Variants in RNPC3 observed in about 807,000 individuals in gnomAD.
RNPC3 encodes the protein RNA-binding region-containing protein 3.
A neutral mutation model predicts 67.5 loss-of-function variants in RNPC3; 48 were observed. That is an observed-to-expected ratio of 0.71 (90% CI 0.56 to 0.90). The LOEUF is 0.90. RNPC3 is among the 40% of genes least tolerant of loss of function. The pLI, the probability that RNPC3 is intolerant of heterozygous loss-of-function variation, is 0.00. For synonymous variants in RNPC3, 239 were observed against 210.3 expected, an observed-to-expected ratio of 1.14 and a Z score of -1.18; for missense variants, 637 against 626.1, an observed-to-expected ratio of 1.02 and a Z score of -0.19.
In RNPC3 at chr1:103,525,826, A is replaced by T; in HGVS notation, c.-245A>T. ...CATCTCTGGGCCAATTTTTGCTTGTAAGTCTTTCCGGAGACCCCTGGAATT... is the reference window on the plus strand; with the variant it reads ...CATCTCTGGGCCAATTTTTGCTTGTTAGTCTTTCCGGAGACCCCTGGAATT... On this transcript the variant is annotated 5_prime_UTR_variant, in exon 1 of 15. Transcript: ENST00000423855. 1 of 438,356 alleles carries T rather than the reference A, an allele frequency of 2.3e-6. No individual in the cohort carries two copies. Among genetic ancestry groups the T allele is most frequent in the Non-Finnish European group, 4.1e-6 (1 of 244,662 alleles). The allele number at this position is 438,356 out of a possible 1,614,324, so 27.2% of individuals were successfully genotyped here.
At chr1:103,534,880 C>A (rs375935616) in intron 4 of RNPC3, 23 bp downstream of exon 4, 3 of 1,431,578 alleles carry the variant, frequency 2.1e-6, no homozygotes, top group Admixed American at 2.1e-5. Flanking sequence ...GTTTGCTTTT[C>A]TTTTGCTTTT....
At chr1:103,534,959 A>G (rs1054165757) in intron 4 of RNPC3, 102 bp downstream of exon 4, 10 of 618,882 alleles carry the variant, frequency 1.6e-5, no homozygotes, top group African/African-American at 1.5e-4. Context: ...TAATATACAG[A>G]TATCTTATTG....
intron 2 of RNPC3, among the ~76,000 whole-genome samples, chr1:103,528,412 T>C (rs1319699425): frequency 1.3e-5 from 2 of 152,156 alleles, no homozygotes; most frequent in Non-Finnish European, 2.9e-5. Context: ...AAGGCTGTTA[T>C]AATGGCCAAG....
In RNPC3 at chr1:103,551,768, AAG is replaced by A. The variant is rs1651393542; in HGVS notation, c.1544_1545del (p.Arg515LysfsTer50). 1 of 1,514,376 alleles carries A rather than the reference AAG, an allele frequency of 6.6e-7. No homozygotes were observed. Among genetic ancestry groups the A allele is most frequent in the Non-Finnish European group, 8.9e-7 (1 of 1,121,996 alleles). 93.8% of individuals were successfully genotyped at this position (1,514,376 alleles called of 1,614,324 possible). On this transcript the variant is annotated frameshift_variant, in exon 14 of 15. Transcript: ENST00000423855. LOFTEE classifies it high-confidence loss of function. Reference protein sequence around the residue: ...RPKQDPKEGKRKC With the variant: ...RPKQDPKEGKXKC ...CAAAACAAGATCCTAAGGAAGGAAA[AAG>A]AAAGTGTTAAAAATTAATAAAGGTA...
chr1:103,537,323 G>A lies in RNPC3; in HGVS notation c.625-19G>A. The A allele has an allele frequency of 6.6e-7, 1 of 1,505,076 alleles. No individual in the cohort carries two copies. The highest frequency in any genetic ancestry group is 8.9e-7 in the Non-Finnish European group (1 of 1,129,642). The allele number at this position is 1,505,076 out of a possible 1,614,324, so 93.2% of individuals were successfully genotyped here. A position where few individuals can be genotyped will look rare whatever the true frequency, so the allele number is the denominator to read the frequency against. The stretch of plus-strand genomic sequence containing the variant: ...TATTTTGGACTGCCATAGTATTTTT[G>A]TTTTATTCTTTTAATTAGTATGAAG... On this transcript the variant is annotated intron_variant, in intron 6 of 14. Coordinates refer to ENST00000423855, the MANE Select transcript of RNPC3 (RefSeq NM_017619.4).
intron 2 of RNPC3, among the ~76,000 whole-genome samples, chr1:103,531,060 A>G (rs1650845868): frequency 1.3e-5 from 2 of 152,090 alleles, no homozygotes; most frequent in Non-Finnish European, 1.5e-5. Context: ...GGGTCCTCAT[A>G]GCTTAGCTCC....
chr1:103,539,846 C>A (rs923400919), intron 7 of RNPC3, among the ~76,000 whole-genome samples: 1 of 151,984 alleles, frequency 6.6e-6, no homozygotes, highest in African/African-American at 2.4e-5. Flanking sequence ...CTTAGTGACA[C>A]CTTTGCTTGT....
intron 2 of RNPC3, 105 bp downstream of exon 2, chr1:103,527,847 T>G: frequency 1.4e-6 from 1 of 735,126 alleles, no homozygotes; most frequent in South Asian, 1.8e-5. Flanking sequence ...AGCGTTTGTA[T>G]TCCAACAGTT....
Position 103,555,084 on chromosome 1 carries a change from A to G in RNPC3, c.*63A>G, listed in dbSNP as rs891061513. ...AGTGCTTTCTAACTTTGAGAGGAAG[A>G]AATTGACCACCTGGACTATGGAACT... is the stretch of plus-strand genomic sequence containing the variant. On this transcript the variant is annotated 3_prime_UTR_variant, in exon 15 of 15. Transcript: ENST00000423855. The G allele has an allele frequency of 1.3e-5, 2 of 152,042 alleles. No homozygotes were observed. The highest frequency in any genetic ancestry group is 4.8e-5 in the African/African-American group (2 of 41,406). The allele number at this position is 152,042 out of a possible 1,614,324, so 9.4% of individuals were successfully genotyped here. A position where few individuals can be genotyped will look rare whatever the true frequency, so the allele number is the denominator to read the frequency against.
chr1:103,533,368 T>C (rs568645041), intron 2 of RNPC3, among the ~76,000 whole-genome samples: 3 of 152,032 alleles, frequency 2.0e-5, no homozygotes, highest in African/African-American at 7.2e-5. Flanking sequence ...GTGGAAAAAA[T>C]AGACTAAGAT....
chr1:103,539,956 G>A (rs747341545), intron 7 of RNPC3, among the ~76,000 whole-genome samples: 20 of 152,158 alleles, frequency 1.3e-4, no homozygotes, highest in African/African-American at 4.8e-4. Flanking sequence ...TCAACCTCCC[G>A]GGCTCAAGCA....
At chr1:103,540,183 G>A (rs1469119950) in intron 7 of RNPC3, among the ~76,000 whole-genome samples, 2 of 152,088 alleles carry the variant, frequency 1.3e-5, no homozygotes, top group Admixed American at 1.3e-4. Flanking sequence ...TTTGCTTTCT[G>A]ATGTTTCCAT....
intron 3 of RNPC3, among the ~76,000 whole-genome samples, chr1:103,534,122 T>C (rs1650929029): frequency 6.6e-6 from 1 of 152,032 alleles, no homozygotes; most frequent in African/African-American, 2.4e-5. Flanking sequence ...CAACTTTCAA[T>C]GGAGGGAAAA....
chr1:103,544,271 G>A (rs920441128), intron 9 of RNPC3, among the ~76,000 whole-genome samples: 1 of 151,600 alleles, frequency 6.6e-6, no homozygotes, highest in Admixed American at 6.6e-5. Context: ...ATGTTTTGAC[G>A]GTATTTATCA....
Position 103,529,840 on chromosome 1 carries a change from C to G in RNPC3, c.240+2098C>G, listed in dbSNP as rs537148977. On this transcript the variant is annotated intron_variant, in intron 2 of 14. Coordinates refer to ENST00000423855, the MANE Select transcript of RNPC3 (RefSeq NM_017619.4). Reference sequence around the variant, plus strand: ...AACCACCACCTGTTAGAACCTGGGCCGCACAGCAGGAGGTGACTGGCAGGC... The same window carrying G: ...AACCACCACCTGTTAGAACCTGGGCGGCACAGCAGGAGGTGACTGGCAGGC... 1.2e-4 allele frequency among the ~76,000 whole-genome samples: 18 copies of G among 152,300 alleles called. No homozygotes were observed. The East Asian group carries it at 3.1e-3, about 26-fold the overall frequency.
At chr1:103,551,879 G>T in intron 14 of RNPC3, 87 bp downstream of exon 14, 1 of 670,784 alleles carries the variant, frequency 1.5e-6, no homozygotes, top group East Asian at 3.3e-5. Flanking sequence ...AGTAATTCAG[G>T]TATCTCTTTT....
intron 2 of RNPC3, among the ~76,000 whole-genome samples, chr1:103,532,175 T>C (rs963918284): frequency 1.3e-5 from 2 of 152,330 alleles, no homozygotes; most frequent in South Asian, 2.1e-4. Flanking sequence ...TCTATTCTGT[T>C]CCATTGGTCT....
chr1:103,525,882 G>GA lies in RNPC3; in HGVS notation c.-188dup. On this transcript the variant is annotated 5_prime_UTR_variant, in exon 1 of 15. Transcript: ENST00000423855. The stretch of plus-strand genomic sequence containing the variant: ...CATTAGCACCGCGCCCTTCCCCGAA[G>GA]AGTCTTCGAAGGGTTGCCGCTTTTC... The GA allele has an allele frequency of 1.8e-6, 1 of 568,442 alleles. No homozygotes were observed. Among genetic ancestry groups the GA allele is most frequent in the Non-Finnish European group, 3.1e-6 (1 of 321,020 alleles). 35.2% of individuals were successfully genotyped at this position (568,442 alleles called of 1,614,324 possible).
intron 2 of RNPC3, 49 bp from the exon 3 acceptor site, chr1:103,533,690 C>A (rs1650916697): frequency 3.0e-6 from 3 of 988,042 alleles, no homozygotes; most frequent in South Asian, 1.5e-5. Flanking sequence ...TCTAACGAAT[C>A]ATTTTTGGTA....
Sources: gnomAD v4.1 joint callset for allele counts (sites outside exome capture counted in the v4.1 genomes callset) on GRCh38, gnomAD v4.1.1 for gene constraint, MANE v1.5 for transcripts, NCBI Gene and HGNC (gene_info 2026-07-23, HGNC 2026-07-21) for gene names.